The following SOHLH2 variants were observed in gnomAD, a reference collection of about 807,000 sequenced individuals.
SOHLH2 encodes the protein spermatogenesis and oogenesis specific basic helix-loop-helix 2.
In SOHLH2, 22 loss-of-function variants were observed where a neutral mutation model predicts 50.4. The ratio of observed to expected loss-of-function variants is 0.44; its 90% CI spans 0.31 to 0.62. The LOEUF is 0.62. SOHLH2 is among the 20% of genes least tolerant of loss of function. SOHLH2 has a pLI of 0.08. For missense variants in SOHLH2, 412 were observed against 504.4 expected, an observed-to-expected ratio of 0.82 and a Z score of 1.76; for synonymous variants, 185 against 187.3, an observed-to-expected ratio of 0.99 and a Z score of 0.10.
At chr13:36,183,517 G>C (rs1036653151) in intron 6 of SOHLH2, among the ~76,000 whole-genome samples, 9 of 152,048 alleles carry the variant, frequency 5.9e-5, no homozygotes, top group African/African-American at 2.2e-4. Context: ...AAATCCAAAG[G>C]AAGGCAGGTA....
At chr13:36,207,947 C>T (rs1170257074) in intron 1 of SOHLH2, among the ~76,000 whole-genome samples, 2 of 152,144 alleles carry the variant, frequency 1.3e-5, no homozygotes, top group African/African-American at 4.8e-5. Flanking sequence ...GTTAAGATGG[C>T]GTCTGCAAGG....
At chr13:36,181,856 A>T (rs931320828) in intron 6 of SOHLH2, 18 of 250,060 alleles carry the variant, frequency 7.2e-5, no homozygotes, top group Non-Finnish European at 1.1e-4. Flanking sequence ...CTTACTCTGC[A>T]GGTCCACTGG....
At chr13:36,211,326 C>T (rs1369362697) in intron 1 of SOHLH2, among the ~76,000 whole-genome samples, 2 of 152,128 alleles carry the variant, frequency 1.3e-5, no homozygotes, top group Non-Finnish European at 2.9e-5. Flanking sequence ...TTTAAAATAT[C>T]CTGCCACTTT....
chr13:36,180,009 T>C (rs888723667), intron 6 of SOHLH2, among the ~76,000 whole-genome samples: 3 of 152,176 alleles, frequency 2.0e-5, no homozygotes, highest in African/African-American at 7.2e-5. Context: ...TGAAATTCAT[T>C]GGTAAAACCA....
intron 4 of SOHLH2, 65 bp from the exon 5 acceptor site, chr13:36,191,959 C>G: frequency 6.4e-7 from 1 of 1,552,536 alleles, no homozygotes; most frequent in Non-Finnish European, 8.9e-7. Context: ...GCTAATCAAA[C>G]ACACAAGCCC....
chr13:36,202,212 T>A, intron 1 of SOHLH2, 119 bp from the exon 2 acceptor site: 2 of 1,259,964 alleles, frequency 1.6e-6, no homozygotes, highest in Non-Finnish European at 2.2e-6. Flanking sequence ...ACTCCATATC[T>A]AGTCTGACTG....
chr13:36,212,040 T>C (rs1005814071), intron 1 of SOHLH2, among the ~76,000 whole-genome samples: 6 of 152,244 alleles, frequency 3.9e-5, no homozygotes, highest in South Asian at 2.1e-4. Flanking sequence ...TCAGTTCCAG[T>C]GTCCCCAGAA....
At chr13:36,192,511 T>C (rs1485305325) in intron 4 of SOHLH2, among the ~76,000 whole-genome samples, 1 of 152,232 alleles carries the variant, frequency 6.6e-6, no homozygotes, top group Non-Finnish European at 1.5e-5. Flanking sequence ...CTCACTCATC[T>C]GAATATTTAA....
chr13:36,201,362 T>C (rs1346600416), intron 2 of SOHLH2, among the ~76,000 whole-genome samples: 2 of 152,340 alleles, frequency 1.3e-5, no homozygotes, highest in East Asian at 3.9e-4. Context: ...ACAAATTGAT[T>C]CTTACATTCT....
In SOHLH2 at chr13:36,169,159, G is replaced by A. The variant is rs1052203778; in HGVS notation, c.1258-105C>T. ...ATCCTAAAACAATCTGAAATGATTTGCAAAACTATGTTAAATCCTCAGGTG... is the reference window on the plus strand; with the variant it reads ...ATCCTAAAACAATCTGAAATGATTTACAAAACTATGTTAAATCCTCAGGTG... On this transcript the variant is annotated intron_variant, in intron 10 of 10. Transcript: ENST00000379881. The A allele has an allele frequency of 7.0e-6, 10 of 1,421,022 alleles. No homozygotes were observed. In the African/African-American group the frequency reaches 1.5e-4, roughly 21 times the overall value. The allele number at this position is 1,421,022 out of a possible 1,614,324, so 88.0% of individuals were successfully genotyped here. A position where few individuals can be genotyped will look rare whatever the true frequency, so the allele number is the denominator to read the frequency against.
chr13:36,175,927 C>T (rs1215499029), intron 6 of SOHLH2, among the ~76,000 whole-genome samples: 1 of 152,086 alleles, frequency 6.6e-6, no homozygotes, highest in Non-Finnish European at 1.5e-5. Context: ...CTTCCACTTA[C>T]AAGGATCCGT....
intron 4 of SOHLH2, among the ~76,000 whole-genome samples, chr13:36,192,763 T>G (rs1016217099): frequency 1.3e-5 from 2 of 152,180 alleles, no homozygotes; most frequent in Admixed American, 6.5e-5. Flanking sequence ...TCACGTCACA[T>G]CGTTACCTTT....
chr13:36,199,482 T>G (rs74835032), intron 2 of SOHLH2, among the ~76,000 whole-genome samples: 4,981 of 152,338 alleles, frequency 0.033, 104 homozygotes, highest in East Asian at 0.059. Flanking sequence ...AGACCTTCAC[T>G]GGGTGTTGGG....
At chr13:36,187,961 G>T (rs527575589) in intron 6 of SOHLH2, among the ~76,000 whole-genome samples, 2 of 152,246 alleles carry the variant, frequency 1.3e-5, no homozygotes, top group East Asian at 3.9e-4. Context: ...CTGGGCCCAG[G>T]CCTGAAGAGA....
intron 8 of SOHLH2, 37 bp downstream of exon 8, chr13:36,174,439 C>A: frequency 6.2e-7 from 1 of 1,607,832 alleles, no homozygotes; most frequent in South Asian, 1.1e-5. Flanking sequence ...AGGAAAATAA[C>A]TAGCAGACTT....
At chr13:36,202,599 T>G (rs939718844) in intron 1 of SOHLH2, among the ~76,000 whole-genome samples, 1 of 152,216 alleles carries the variant, frequency 6.6e-6, no homozygotes, top group Non-Finnish European at 1.5e-5. Flanking sequence ...CAAACCTCAA[T>G]ATTAGGAACC....
At chr13:36,214,206 G>A (rs1261685059) in intron 1 of SOHLH2, among the ~76,000 whole-genome samples, 2 of 152,038 alleles carry the variant, frequency 1.3e-5, no homozygotes, top group Non-Finnish European at 2.9e-5. Flanking sequence ...CTCCTCTCCC[G>A]AGATAAATCA....
chr13:36,174,988 G>C lies in SOHLH2; in HGVS notation c.642-119C>G, dbSNP rs116750822. The C allele has an allele frequency of 1.9e-3, 2,659 of 1,369,992 alleles. 57 individuals are homozygous for C. In the African/African-American group the frequency reaches 0.036, roughly 18 times the overall value. The allele number at this position is 1,369,992 out of a possible 1,614,324, so 84.9% of individuals were successfully genotyped here. A position where few individuals can be genotyped will look rare whatever the true frequency, so the allele number is the denominator to read the frequency against. ...AAAGGAACCATCCCCTCCCTATATA[G>C]TCTCCATTTCAGAGAAAGGCTGTGT... is the stretch of plus-strand genomic sequence containing the variant. On this transcript the variant is annotated intron_variant, in intron 6 of 10. Coordinates refer to ENST00000379881, the MANE Select transcript of SOHLH2 (RefSeq NM_017826.3).
intron 6 of SOHLH2, chr13:36,182,150 G>A (rs1887274564): frequency 2.0e-6 from 2 of 985,374 alleles, no homozygotes; most frequent in Non-Finnish European, 2.4e-6. Flanking sequence ...CTTTGATTGT[G>A]GCAGCCAAGA....
Sources: gnomAD v4.1 joint callset for allele counts (sites outside exome capture counted in the v4.1 genomes callset) on GRCh38, gnomAD v4.1.1 for gene constraint, MANE v1.5 for transcripts, NCBI Gene and HGNC (gene_info 2026-07-23, HGNC 2026-07-21) for gene names.